Variants in PTPRK observed in about 807,000 individuals in gnomAD.
PTPRK encodes receptor-type tyrosine-protein phosphatase kappa.
PTPRK carries 75 observed loss-of-function variants against 178.0 expected under a neutral mutation model. The ratio of observed to expected loss-of-function variants is 0.42; its 90% confidence interval spans 0.35 to 0.51. The LOEUF (loss-of-function observed/expected upper bound fraction) is 0.51, where lower values mean the gene tolerates loss of function less well. Among genes scored for constraint, PTPRK ranks in the 20% least tolerant of loss-of-function variants. The pLI, the probability that PTPRK is intolerant of heterozygous loss-of-function variation, is 0.02. For synonymous variants in PTPRK, 637 were observed against 620.6 expected (o/e 1.03, Z -0.39); for missense variants, 1,441 against 1,797.8 (o/e 0.80, Z 3.59).
intron 5 of PTPRK, among the ~76,000 whole-genome samples, chr6:128,236,547 C>T (rs936303202): frequency 1.3e-4 from 20 of 151,976 alleles, no homozygotes; most frequent in African/African-American, 4.8e-4. Flanking sequence ...CAGGGTTTCA[C>T]TATATTGGCC....
At chr6:128,453,792 G>A (rs1303990195) in intron 1 of PTPRK, among the ~76,000 whole-genome samples, 1 of 152,116 alleles carries the variant, frequency 6.6e-6, no homozygotes, top group African/African-American at 2.4e-5. Context: ...CTGCATGTAA[G>A]AATCACATGG....
intron 2 of PTPRK, among the ~76,000 whole-genome samples, chr6:128,331,470 A>G (rs1830268101): frequency 6.6e-6 from 1 of 151,964 alleles, no homozygotes; most frequent in Non-Finnish European, 1.5e-5. Context: ...TTTTTCAAAG[A>G]TAGTCAAAGA....
At chr6:128,182,229 A>T (rs1050360932) in intron 7 of PTPRK, among the ~76,000 whole-genome samples, 10 of 152,154 alleles carry the variant, frequency 6.6e-5, no homozygotes, top group Admixed American at 5.9e-4. Context: ...CAGAAAAAAG[A>T]ATCAGATAAA....
chr6:127,994,848 A>G (rs1776965146), intron 18 of PTPRK, among the ~76,000 whole-genome samples: 1 of 151,928 alleles, frequency 6.6e-6, no homozygotes, highest in Non-Finnish European at 1.5e-5. Context: ...ACACATCACA[A>G]AATAGTCTCC....
chr6:128,251,386 C>A (rs985796901), intron 3 of PTPRK, among the ~76,000 whole-genome samples: 1 of 152,096 alleles, frequency 6.6e-6, no homozygotes, highest in Non-Finnish European at 1.5e-5. Context: ...CTTCATCTAA[C>A]CCCTAAGTAA....
At chr6:128,244,443 C>CGGAT (rs1273642283) in intron 3 of PTPRK, among the ~76,000 whole-genome samples, 5 of 152,064 alleles carry the variant, frequency 3.3e-5, no homozygotes, top group African/African-American at 1.2e-4. Context: ...AGGCCACCAG[C>CGGAT]GGATATAAAG....
At position 128,481,913 on chromosome 6, in the gene PTPRK, T is replaced by G. The variant is rs928303285; in HGVS notation, c.100+38346A>C. ...ACACTACAAAGGCTGGCTAACTAAA[T>G]GAAGGGGGGTTCTAAAATGAACTGT... On this transcript the variant is annotated intron_variant, in intron 1 of 29. Transcript: ENST00000368226. 2.6e-5 allele frequency among the ~76,000 whole-genome samples: 4 copies of G among 152,172 alleles called. No individual in the cohort carries two copies. In the East Asian group the frequency reaches 5.8e-4, roughly 22 times the overall value.
intron 21 of PTPRK, among the ~76,000 whole-genome samples, chr6:127,990,513 G>C (rs1776481597): frequency 6.6e-6 from 1 of 152,036 alleles, no homozygotes; most frequent in Non-Finnish European, 1.5e-5. Flanking sequence ...CATGATGTAT[G>C]ATATATTAGT....
At chr6:128,098,735 G>A (rs1367841932) in intron 7 of PTPRK, among the ~76,000 whole-genome samples, 2 of 152,090 alleles carry the variant, frequency 1.3e-5, no homozygotes, top group Non-Finnish European at 2.9e-5. Context: ...AAATAGTACA[G>A]TAATTTAAGA....
At position 127,970,146 on chromosome 6, in the gene PTPRK, C is replaced by A; in HGVS notation, c.*81G>T. The A allele has an allele frequency of 8.9e-7, 1 of 1,119,630 alleles. No individual in the cohort carries two copies. The highest frequency in any genetic ancestry group is 1.6e-5 in the South Asian group (1 of 63,910). 69.4% of individuals were successfully genotyped at this position (1,119,630 alleles called of 1,614,324 possible). ...CCCCCCACATTAAAATCTTTCTGCACAAGTGTAACAGGTACAACAGCTGCT... is the reference window on the plus strand; with the variant it reads ...CCCCCCACATTAAAATCTTTCTGCAAAAGTGTAACAGGTACAACAGCTGCT... On this transcript the variant is annotated 3_prime_UTR_variant, in exon 30 of 30. Coordinates refer to ENST00000368226, the MANE Select transcript of PTPRK (RefSeq NM_002844.4).
chr6:128,200,907 G>A (rs1052207324), intron 6 of PTPRK, among the ~76,000 whole-genome samples: 2 of 103,862 alleles, frequency 1.9e-5, no homozygotes, highest in African/African-American at 7.8e-5. Flanking sequence ...GAGGGAGGGA[G>A]GGAGGGAGGG....
intron 17 of PTPRK, 21 bp downstream of exon 17, chr6:127,996,879 CA>C (rs759897977): frequency 1.0e-5 from 16 of 1,600,906 alleles, no homozygotes; most frequent in Non-Finnish European, 1.4e-5. Flanking sequence ...TTACATTCAC[CA>C]AGAATTGAAT....
intron 2 of PTPRK, among the ~76,000 whole-genome samples, chr6:128,331,234 C>G (rs1487770010): frequency 6.6e-6 from 1 of 152,164 alleles, no homozygotes; most frequent in Non-Finnish European, 1.5e-5. Flanking sequence ...AGTCGGACAA[C>G]TATCTATTTG....
chr6:128,002,677 A>T (rs1324528592), intron 15 of PTPRK, among the ~76,000 whole-genome samples: 2 of 151,958 alleles, frequency 1.3e-5, no homozygotes, highest in African/African-American at 4.8e-5. Flanking sequence ...TTCATGTAGA[A>T]TGTCAAACCC....
rs76144837 is a variant in PTPRK at position 128,032,090 on chromosome 6, C to T, written c.2195-22822G>A. ...TCTGGTTTGCTGTGTCTGCTCTGAT[C>T]GCAAAATTCTATCTGATTTTGACCT... On this transcript the variant is annotated intron_variant, in intron 13 of 29. Coordinates refer to ENST00000368226, the MANE Select transcript of PTPRK (RefSeq NM_002844.4). 4.9e-3 allele frequency among the ~76,000 whole-genome samples: 741 copies of T among 152,280 alleles called. 5 individuals are homozygous for T. Among genetic ancestry groups the T allele is most frequent in the African/African-American group, 0.017 (702 of 41,560 alleles).
chr6:128,060,866 T>C (rs1465718929), intron 13 of PTPRK, among the ~76,000 whole-genome samples: 1 of 152,186 alleles, frequency 6.6e-6, no homozygotes, highest in Non-Finnish European at 1.5e-5. Context: ...AAAACAACTC[T>C]AGTTATTTAA....
At chr6:128,320,437 T>G (rs1173845353) in intron 3 of PTPRK, among the ~76,000 whole-genome samples, 1 of 152,184 alleles carries the variant, frequency 6.6e-6, no homozygotes, top group Non-Finnish European at 1.5e-5. Flanking sequence ...TTCTATGTTG[T>G]TATTGTTCTT....
intron 7 of PTPRK, among the ~76,000 whole-genome samples, chr6:128,115,716 T>C (rs560276196): frequency 2.6e-5 from 4 of 152,100 alleles, no homozygotes; most frequent in Non-Finnish European, 5.9e-5. Context: ...TAATATATGA[T>C]ATACATTTTA....
intron 1 of PTPRK, among the ~76,000 whole-genome samples, chr6:128,450,483 A>G (rs185616541): frequency 2.2e-4 from 34 of 152,326 alleles, no homozygotes; most frequent in African/African-American, 7.9e-4. Context: ...GCTTTATCGT[A>G]CACTATAACC....
Sources: gnomAD v4.1 joint callset for allele counts (sites outside exome capture counted in the v4.1 genomes callset) on GRCh38, gnomAD v4.1.1 for gene constraint, MANE v1.5 for transcripts, NCBI Gene and HGNC (gene_info 2026-07-23, HGNC 2026-07-21) for gene names.